Variants in PABPC4L observed in about 807,000 individuals in gnomAD.
PABPC4L encodes poly(A) binding protein cytoplasmic 4 like.
For missense variants in PABPC4L, 452 were observed against 451.4 expected (o/e 1.00, Z -0.01); for synonymous variants, 169 against 164.1 (o/e 1.03, Z -0.23).
the PABPC4L span, among the ~76,000 whole-genome samples, chr4:134,125,220 A>G: frequency 6.6e-6 from 1 of 152,066 alleles, no homozygotes; most frequent in Non-Finnish European, 1.5e-5. Context: ...CAAGAGCTCT[A>G]TATTGAACCT....
chr4:133,991,829 T>A, the PABPC4L span, among the ~76,000 whole-genome samples: 1 of 152,156 alleles, frequency 6.6e-6, no homozygotes, highest in East Asian at 1.9e-4. Context: ...TATATTGTAA[T>A]TAGTGATACA....
downstream of PABPC4L, among the ~76,000 whole-genome samples, chr4:134,192,396 G>T (rs1028864754): frequency 6.6e-6 from 1 of 152,030 alleles, no homozygotes; most frequent in Non-Finnish European, 1.5e-5. Flanking sequence ...ACTGGGAAGC[G>T]ACTGCTCCTT....
At chr4:134,055,805 A>G in the PABPC4L span, among the ~76,000 whole-genome samples, 6 of 151,950 alleles carry the variant, frequency 3.9e-5, no homozygotes, top group Non-Finnish European at 7.4e-5. Context: ...GTTTTGCAGA[A>G]AAAGAAAATG....
chr4:134,129,696 G>A, the PABPC4L span, among the ~76,000 whole-genome samples: 2 of 151,794 alleles, frequency 1.3e-5, no homozygotes, highest in African/African-American at 2.4e-5. Context: ...AATGATAATA[G>A]TGACAAAACC....
chr4:134,074,247 T>C, the PABPC4L span, among the ~76,000 whole-genome samples: 2 of 152,162 alleles, frequency 1.3e-5, no homozygotes, highest in Non-Finnish European at 2.9e-5. Context: ...CACAGATCTC[T>C]AGGGCAGGGG....
chr4:134,083,444 C>A, the PABPC4L span, among the ~76,000 whole-genome samples: 86 of 152,190 alleles, frequency 5.7e-4, no homozygotes, highest in African/African-American at 1.7e-3. Flanking sequence ...TTGATTCTCA[C>A]ATTCCTCTCA....
the PABPC4L span, among the ~76,000 whole-genome samples, chr4:134,014,168 A>G: frequency 6.6e-6 from 1 of 152,138 alleles, no homozygotes; most frequent in Non-Finnish European, 1.5e-5. Flanking sequence ...TTCTCAATAT[A>G]CATTTTATTA....
the PABPC4L span, among the ~76,000 whole-genome samples, chr4:134,020,156 G>C: frequency 6.6e-6 from 1 of 152,082 alleles, no homozygotes; most frequent in Non-Finnish European, 1.5e-5. Flanking sequence ...AAAGAATTCA[G>C]GGTGAGTCCG....
the PABPC4L span, among the ~76,000 whole-genome samples, chr4:134,019,478 C>T: frequency 2.6e-5 from 4 of 152,098 alleles, no homozygotes; most frequent in Non-Finnish European, 5.9e-5. Flanking sequence ...CAATGAAATA[C>T]TTAATTTGGA....
chr4:134,080,636 A>G, the PABPC4L span, among the ~76,000 whole-genome samples: 1 of 152,200 alleles, frequency 6.6e-6, no homozygotes, highest in South Asian at 2.1e-4. Flanking sequence ...TCTTTGGTTA[A>G]TAAAACATCA....
the PABPC4L span, among the ~76,000 whole-genome samples, chr4:134,055,613 C>A: frequency 6.8e-6 from 1 of 146,824 alleles, no homozygotes; most frequent in African/African-American, 2.5e-5. Context: ...TGTCTCTTCA[C>A]TGAAATGTTC....
At chr4:134,012,462 T>C in the PABPC4L span, among the ~76,000 whole-genome samples, 1 of 152,186 alleles carries the variant, frequency 6.6e-6, no homozygotes, top group Admixed American at 6.5e-5. Flanking sequence ...CCTTTGACTG[T>C]AATTTTCCTT....
the PABPC4L span, among the ~76,000 whole-genome samples, chr4:134,152,135 T>C: frequency 1.3e-5 from 2 of 151,876 alleles, no homozygotes; most frequent in Non-Finnish European, 2.9e-5. Flanking sequence ...TTGTAACTAT[T>C]TTTCTCCTGT....
At chr4:134,098,684 T>C in the PABPC4L span, among the ~76,000 whole-genome samples, 1 of 151,556 alleles carries the variant, frequency 6.6e-6, no homozygotes, top group Non-Finnish European at 1.5e-5. Flanking sequence ...TGAAAGAGGA[T>C]CACAAAGGAG....
the PABPC4L span, among the ~76,000 whole-genome samples, chr4:133,983,308 A>G: frequency 6.6e-6 from 1 of 151,934 alleles, no homozygotes; most frequent in Non-Finnish European, 1.5e-5. Context: ...AATAACATCT[A>G]TATATATTGT....
At chr4:134,077,573 T>C in the PABPC4L span, among the ~76,000 whole-genome samples, 1 of 152,248 alleles carries the variant, frequency 6.6e-6, no homozygotes, top group East Asian at 1.9e-4. Context: ...AGGTTAGCAA[T>C]AAAACAGAAA....
At chr4:134,028,338 C>A in the PABPC4L span, among the ~76,000 whole-genome samples, 1 of 151,980 alleles carries the variant, frequency 6.6e-6, no homozygotes. Context: ...CTGTGCACTG[C>A]CAGCGTTTCA....
downstream of PABPC4L, among the ~76,000 whole-genome samples, chr4:134,192,598 C>G (rs1729542672): frequency 6.6e-6 from 1 of 152,030 alleles, no homozygotes; most frequent in African/African-American, 2.4e-5. Context: ...TGTTATTGTT[C>G]TAACACAAAA....
chr4:134,021,039 T>G, the PABPC4L span, among the ~76,000 whole-genome samples: 1 of 152,208 alleles, frequency 6.6e-6, no homozygotes, highest in South Asian at 2.1e-4. Flanking sequence ...ATATAGCAAT[T>G]ATGGCAGCCC....
Sources: allele counts gnomAD v4.1 joint callset (sites outside exome capture counted in the v4.1 genomes callset), GRCh38; gene constraint gnomAD v4.1.1; transcripts MANE v1.5; gene names NCBI Gene and HGNC (gene_info 2026-07-23, HGNC 2026-07-21).